The following COP1 variants were observed in gnomAD, a reference collection of about 807,000 sequenced individuals.
COP1 encodes E3 ubiquitin-protein ligase COP1.
A neutral mutation model predicts 101.3 loss-of-function variants in COP1; 24 were observed. The ratio of observed to expected loss-of-function variants is 0.24; its 90% CI spans 0.17 to 0.33. The LOEUF is 0.33. Among genes scored for constraint, COP1 ranks in the 10% least tolerant of loss-of-function variants. The probability of loss-of-function intolerance (pLI) is 1.00; values close to 1 mark genes in which losing one functional copy is unlikely to be tolerated. For synonymous variants in COP1, 347 were observed against 341.9 expected (o/e 1.01, Z -0.17); for missense variants, 663 against 906.2 (o/e 0.73, Z 3.45).
At chr1:176,090,124 G>A (rs192142586) in intron 9 of COP1, among the ~76,000 whole-genome samples, 6 of 152,194 alleles carry the variant, frequency 3.9e-5, no homozygotes, top group African/African-American at 1.4e-4. Flanking sequence ...TCAGGTCTTT[G>A]GATAGTAACT....
chr1:176,095,516 T>C (rs1434017333), intron 9 of COP1, among the ~76,000 whole-genome samples: 3 of 152,022 alleles, frequency 2.0e-5, no homozygotes, highest in African/African-American at 7.2e-5. Context: ...CCTGTTTCTA[T>C]AAAACACAAA....
intron 15 of COP1, among the ~76,000 whole-genome samples, chr1:176,013,405 T>C (rs1166024171): frequency 1.3e-5 from 2 of 152,204 alleles, no homozygotes; most frequent in African/African-American, 4.8e-5. Flanking sequence ...AAATTTTCCA[T>C]TTGCTCTTTG....
chr1:176,172,933 G>A (rs1696311651), intron 3 of COP1, among the ~76,000 whole-genome samples: 1 of 152,172 alleles, frequency 6.6e-6, no homozygotes, highest in African/African-American at 2.4e-5. Flanking sequence ...GTATCAGGAT[G>A]AAATGTTATT....
intron 9 of COP1, chr1:176,100,511 AC>A (rs1344779927): frequency 6.6e-6 from 1 of 152,144 alleles, no homozygotes; most frequent in Non-Finnish European, 1.5e-5. Context: ...TTTTAGACTA[AC>A]CCTGCTTGTT....
intron 18 of COP1, among the ~76,000 whole-genome samples, chr1:175,985,875 T>C (rs1289807976): frequency 4.6e-5 from 7 of 152,138 alleles, no homozygotes; most frequent in Non-Finnish European, 8.8e-5. Flanking sequence ...TATATCAAAT[T>C]AAAGTGAAAC....
At chr1:175,983,433 C>T (rs556979175) in intron 18 of COP1, among the ~76,000 whole-genome samples, 6 of 152,182 alleles carry the variant, frequency 3.9e-5, no homozygotes, top group Admixed American at 6.5e-5. Flanking sequence ...TTTCACCTTC[C>T]GCCATGATTG....
chr1:176,158,326 A>C (rs1558226620), intron 5 of COP1, among the ~76,000 whole-genome samples: 1 of 152,166 alleles, frequency 6.6e-6, no homozygotes, highest in Non-Finnish European at 1.5e-5. Context: ...AGTAAAATAA[A>C]GATTTTGTCA....
intron 15 of COP1, among the ~76,000 whole-genome samples, chr1:176,022,133 A>G (rs1666856640): frequency 6.6e-6 from 1 of 152,242 alleles, no homozygotes; most frequent in Non-Finnish European, 1.5e-5. Context: ...TTTGATAACT[A>G]TATTGGGACT....
chr1:176,068,752 T>C (rs1296849861), intron 11 of COP1, among the ~76,000 whole-genome samples: 3 of 152,252 alleles, frequency 2.0e-5, no homozygotes, highest in African/African-American at 7.2e-5. Context: ...AGGACTTCTC[T>C]AGAAGTAGTC....
At chr1:176,029,967 T>C (rs998092710) in intron 14 of COP1, among the ~76,000 whole-genome samples, 2 of 152,192 alleles carry the variant, frequency 1.3e-5, no homozygotes, top group African/African-American at 4.8e-5. Context: ...TAGTATTTTT[T>C]GAGACAAGGT....
rs149991220 is a variant in COP1 at position 176,191,613 on chromosome 1, A to G, written c.408-6921T>C. Among the ~76,000 whole-genome samples the G allele has an allele frequency of 2.6e-3, 399 of 151,854 alleles. 3 individuals carry two copies. Among genetic ancestry groups the G allele is most frequent in the African/African-American group, 9.2e-3 (381 of 41,440 alleles). ...AGGAAAAAAAAATAATAAACCTCAAACTCTTCTTTACACCTATACCGATAA... is the reference window on the plus strand; with the variant it reads ...AGGAAAAAAAAATAATAAACCTCAAGCTCTTCTTTACACCTATACCGATAA... On this transcript the variant is annotated intron_variant, in intron 1 of 19. Coordinates refer to ENST00000367669, the MANE Select transcript of COP1 (RefSeq NM_022457.7).
intron 19 of COP1, among the ~76,000 whole-genome samples, chr1:175,946,013 A>G (rs549907039): frequency 6.2e-4 from 95 of 152,338 alleles, no homozygotes; most frequent in African/African-American, 2.3e-3. Context: ...TCTTGTAGGT[A>G]TGCTGGCAAT....
intron 11 of COP1, among the ~76,000 whole-genome samples, chr1:176,060,851 T>G (rs1443615572): frequency 1.3e-5 from 2 of 152,062 alleles, no homozygotes; most frequent in Non-Finnish European, 2.9e-5. Flanking sequence ...GTGTTTCTTA[T>G]AAAAATAAGT....
At chr1:175,975,360 A>G (rs1397556032) in intron 18 of COP1, among the ~76,000 whole-genome samples, 1 of 152,316 alleles carries the variant, frequency 6.6e-6, no homozygotes, top group East Asian at 1.9e-4. Context: ...CAAAAAACCA[A>G]AAGCCAGAAC....
chr1:175,961,695 C>CAAAA (rs3034815), intron 18 of COP1, among the ~76,000 whole-genome samples: 5 of 69,410 alleles, frequency 7.2e-5, no homozygotes, highest in Admixed American at 1.9e-4. Flanking sequence ...GACCCTGTCT[C>CAAAA]AAAAAAAAAA....
At chr1:176,062,118 A>G (rs920204604) in intron 11 of COP1, among the ~76,000 whole-genome samples, 2 of 152,114 alleles carry the variant, frequency 1.3e-5, no homozygotes, top group African/African-American at 4.8e-5. Context: ...CTCCTGCCTC[A>G]GCCTCCCGAG....
At chr1:176,053,018 A>C (rs1028926928) in intron 11 of COP1, among the ~76,000 whole-genome samples, 7 of 151,960 alleles carry the variant, frequency 4.6e-5, no homozygotes, top group Admixed American at 6.6e-5. Context: ...GAAAAAAAAA[A>C]CCCCTTCTAT....
intron 18 of COP1, among the ~76,000 whole-genome samples, chr1:175,958,515 G>A (rs1650952968): frequency 6.6e-6 from 1 of 151,822 alleles, no homozygotes; most frequent in Non-Finnish European, 1.5e-5. Flanking sequence ...TATAAACCTT[G>A]CTATTTACTA....
intron 1 of COP1, among the ~76,000 whole-genome samples, chr1:176,205,543 A>G (rs2102325991): frequency 6.6e-6 from 1 of 152,320 alleles, no homozygotes; most frequent in South Asian, 2.1e-4. Context: ...AACTTCCTAC[A>G]TGCCTAATAT....
Sources: allele counts gnomAD v4.1 joint callset (sites outside exome capture counted in the v4.1 genomes callset), GRCh38; gene constraint gnomAD v4.1.1; transcripts MANE v1.5; gene names NCBI Gene and HGNC (gene_info 2026-07-23, HGNC 2026-07-21).